The following ADCK5 variants were observed in gnomAD, a reference collection of about 807,000 sequenced individuals.
The protein encoded by ADCK5 is aarF domain containing kinase 5.
A neutral mutation model predicts 64.9 loss-of-function variants in ADCK5; 43 were observed. The observed-to-expected ratio is 0.66, with a 90% CI of 0.52 to 0.85. ADCK5 has a LOEUF of 0.85. Among genes scored for constraint, ADCK5 ranks in the 40% least tolerant of loss-of-function variants. The probability of loss-of-function intolerance (pLI) is 0.00; values close to 1 mark genes in which losing one functional copy is unlikely to be tolerated. For missense variants in ADCK5, 760 were observed against 810.5 expected (o/e 0.94, Z 0.76); for synonymous variants, 434 against 342.8 (o/e 1.27, Z -2.94).
chr8:144,391,402 C>G lies in ADCK5; in HGVS notation c.726C>G (p.Ile242Met), dbSNP rs782175889. 6 of 1,613,246 alleles carry G rather than the reference C, an allele frequency of 3.7e-6. No homozygotes were observed. Among genetic ancestry groups the G allele is most frequent in the Non-Finnish European group, 5.1e-6 (6 of 1,180,006 alleles). ...IDLRDRFDGD[I>M]HTLELLLRLV... ...TGCGGGACCGCTTTGATGGGGACAT[C>G]CACACCCTGGAGCTCCTGCTGCGGC... The change falls in exon 7 of 15, where the codon ATC (isoleucine) becomes ATG (methionine). Residue 242 changes from isoleucine to methionine, a missense_variant. This residue lies in a region of ADCK5 where 427 missense variants were observed against 518.4 expected (regional missense o/e 0.82). Transcript: ENST00000308860.
At chr8:144,374,893 G>A (rs1471092708) in intron 1 of ADCK5, among the ~76,000 whole-genome samples, 3 of 152,356 alleles carry the variant, frequency 2.0e-5, no homozygotes, top group East Asian at 3.9e-4. Flanking sequence ...AGGACTGCGG[G>A]GGGGCGGGGC....
chr8:144,392,543 G>A lies in ADCK5; in HGVS notation c.1366G>A (p.Val456Met). 2 of 1,563,990 alleles carry A rather than the reference G, an allele frequency of 1.3e-6. No homozygotes were observed. Among genetic ancestry groups the A allele is most frequent in the Non-Finnish European group, 1.7e-6 (2 of 1,160,878 alleles). The change falls in exon 13 of 15, where the codon GTG becomes ATG. Residue 456 changes from valine to methionine, a missense_variant. By Grantham distance (21) the Val-to-Met change is conservative (BLOSUM62 1). Transcript: ENST00000308860. The part of the protein sequence containing the change: ...LLSREEAAYM[V>M]DMARERFEAV... ...GAGCCGCGAAGAGGCGGCCTACATG[G>A]TGGACATGGCCCGCGAGCGCTTCGA... is the stretch of plus-strand genomic sequence containing the variant.
chr8:144,385,417 C>T (rs903815313), intron 3 of ADCK5, among the ~76,000 whole-genome samples: 3 of 151,404 alleles, frequency 2.0e-5, no homozygotes, highest in African/African-American at 7.3e-5. Flanking sequence ...CTCTTGACCT[C>T]AGGTGAACTG....
intron 3 of ADCK5, among the ~76,000 whole-genome samples, chr8:144,385,702 G>A (rs908231796): frequency 6.6e-6 from 1 of 151,406 alleles, no homozygotes; most frequent in African/African-American, 2.4e-5. Flanking sequence ...GGTGGCTCAC[G>A]CCTGTAATCC....
chr8:144,392,763 C>T lies in ADCK5; in HGVS notation c.1521-13C>T, dbSNP rs1820367644. ...GTGTGGGGCTGACGCGGCGCTAACG[C>T]GGGTGTGTGCAGGGCTGTCCGGGGC... On this transcript the variant is annotated splice_polypyrimidine_tract_variant and intron_variant, in intron 13 of 14. Coordinates refer to ENST00000308860, the MANE Select transcript of ADCK5 (RefSeq NM_174922.5). The T allele has an allele frequency of 1.9e-6, 3 of 1,586,242 alleles. No homozygotes were observed. Among genetic ancestry groups the T allele is most frequent in the Non-Finnish European group, 2.6e-6 (3 of 1,168,028 alleles).
Position 144,393,132 on chromosome 8 carries a change from G to A in ADCK5, c.*58G>A. The A allele has an allele frequency of 2.1e-6, 3 of 1,454,904 alleles. No homozygotes were observed. The highest frequency in any genetic ancestry group is 5.0e-5 in the East Asian group (2 of 40,330). The allele number at this position is 1,454,904 out of a possible 1,614,324, so 90.1% of individuals were successfully genotyped here. A position where few individuals can be genotyped will look rare whatever the true frequency, so the allele number is the denominator to read the frequency against. ...TCACCTTGGGCTGACGGAGGTGGCGGGGCTAGAGGTGTAGACACCCCGAGC... is the reference window on the plus strand; with the variant it reads ...TCACCTTGGGCTGACGGAGGTGGCGAGGCTAGAGGTGTAGACACCCCGAGC... On this transcript the variant is annotated 3_prime_UTR_variant, in exon 15 of 15. Transcript: ENST00000308860.
Position 144,392,980 on chromosome 8 carries a change from T to C in ADCK5, c.1649T>C (p.Leu550Ser). The C allele has an allele frequency of 6.3e-7, 1 of 1,588,860 alleles. No homozygotes were observed. The highest frequency in any genetic ancestry group is 8.5e-7 in the Non-Finnish European group (1 of 1,170,632). The stretch of plus-strand genomic sequence containing the variant: ...CCTGACCCACGCAGGCTGGAGACCT[T>C]GGCCATGCGGCTGACCGCCCTCCTG... ...KFEVALRLET[L>S]AMRLTALLAR... The change falls in exon 15 of 15, where the codon TTG (leucine) becomes TCG (serine). Residue 550 changes from leucine (L) to serine (S), a missense_variant. Leu to Ser is a moderately radical substitution (Grantham distance 145, BLOSUM62 -2). This residue lies in a region of ADCK5 where 333 missense variants were observed against 292.0 expected (regional missense o/e 1.14). Transcript: ENST00000308860.
chr8:144,392,191 G>A (rs1554861039), intron 11 of ADCK5, 21 bp downstream of exon 11: 6 of 1,546,234 alleles, frequency 3.9e-6, no homozygotes, highest in African/African-American at 1.4e-5. Context: ...GTGGGTGGGC[G>A]TGGGGCAGGG....
rs995193137 is a variant in ADCK5 at position 144,376,635 on chromosome 8, G to A, written c.12+2528G>A. ...GGTGGAGCCTGTGGAAACAGCTTGC[G>A]TTGCTGGTCATGGATGAGGTGGGCA... On this transcript the variant is annotated intron_variant, in intron 1 of 14. Transcript: ENST00000308860. This position sits in a 1 kb window ranked among gnomAD's most constrained non-coding sequence, Gnocchi z 5.1. Among the ~76,000 whole-genome samples, 2 of 152,350 alleles carry A rather than the reference G, an allele frequency of 1.3e-5. No individual in the cohort carries two copies. The highest frequency in any genetic ancestry group is 2.1e-4 in the South Asian group (1 of 4,826).
chr8:144,384,203 G>A lies in ADCK5; in HGVS notation c.266+973G>A, dbSNP rs1434830325. Among the ~76,000 whole-genome samples the A allele has an allele frequency of 2.0e-5, 3 of 151,984 alleles. No homozygotes were observed. The highest frequency in any genetic ancestry group is 6.6e-5 in the Admixed American group (1 of 15,246). The stretch of plus-strand genomic sequence containing the variant: ...GCTGGGATGACAGGCGTGAGTCACC[G>A]TGCCCAGCCCCCAAAGCCCTTTTGA... On this transcript the variant is annotated intron_variant, in intron 3 of 14. Coordinates refer to ENST00000308860, the MANE Select transcript of ADCK5 (RefSeq NM_174922.5). This position sits in a 1 kb window ranked among gnomAD's most constrained non-coding sequence, Gnocchi z 5.7.
rs2116847245 is a variant in ADCK5, at chr8:144,381,296, T to C, written c.117-1785T>C. Among the ~76,000 whole-genome samples the C allele has an allele frequency of 5.2e-3, 647 of 125,000 alleles. 18 individuals are homozygous for C. The highest frequency in any genetic ancestry group is 0.018 in the African/African-American group (526 of 29,390). The allele number at this position is 125,000 out of a possible 152,430, so 82.0% of individuals were successfully genotyped here. A position where few individuals can be genotyped will look rare whatever the true frequency, so the allele number is the denominator to read the frequency against. ...ATCAGATGTGTGCTCAGGCCCCTGC[T>C]GCACTCAGGATTATGGGCCGGGTGT... On this transcript the variant is annotated intron_variant, in intron 2 of 14. Coordinates refer to ENST00000308860, the MANE Select transcript of ADCK5 (RefSeq NM_174922.5).
At chr8:144,380,700 G>C (rs1402924317) in intron 2 of ADCK5, among the ~76,000 whole-genome samples, 129 of 53,602 alleles carry the variant, frequency 2.4e-3, no homozygotes, top group Middle Eastern at 8.5e-3. Context: ...TCAGGCACCT[G>C]CCGCACTAAG....
Position 144,391,673 on chromosome 8 carries a change from G to T in ADCK5, c.892G>T (p.Val298Phe), listed in dbSNP as rs370166194. The T allele has an allele frequency of 2.4e-5, 37 of 1,542,520 alleles. No individual in the cohort carries two copies. In the South Asian group the frequency reaches 4.4e-4, roughly 18 times the overall value. The change falls in exon 8 of 15, where the codon GTC becomes TTC. Residue 298 changes from valine to phenylalanine, a missense_variant. Val to Phe is a conservative substitution (Grantham distance 50). Around this residue, in one of 2 missense-constraint regions of ADCK5, gnomAD observed 427 missense variants for 518.4 expected, o/e 0.82. Coordinates refer to ENST00000308860, the MANE Select transcript of ADCK5 (RefSeq NM_174922.5). ...CARELAHFPY[V>F]VVPRVHWDKS... ...GCGGGAGCTGGCGCACTTCCCCTAC[G>T]TCGTGGTGCCCCGCGTGCACTGGGA...
chr8:144,384,429 C>T lies in ADCK5; in HGVS notation c.266+1199C>T, dbSNP rs1819821062. ...TAGCTGGGCACCTGAGGATTTTCAGCCTAAAAGACAAAACAGTCGTTCCCC... is the reference window on the plus strand; with the variant it reads ...TAGCTGGGCACCTGAGGATTTTCAGTCTAAAAGACAAAACAGTCGTTCCCC... On this transcript the variant is annotated intron_variant, in intron 3 of 14. Coordinates refer to ENST00000308860, the MANE Select transcript of ADCK5 (RefSeq NM_174922.5). The surrounding 1 kb of genome is among the most constrained non-coding windows in gnomAD (Gnocchi z 5.7). Among the ~76,000 whole-genome samples, 1 of 152,192 alleles carries T rather than the reference C, an allele frequency of 6.6e-6. No individual in the cohort carries two copies. Among genetic ancestry groups the T allele is most frequent in the Non-Finnish European group, 1.5e-5 (1 of 68,040 alleles).
At chr8:144,383,737 G>A (rs1586584352) in intron 3 of ADCK5, among the ~76,000 whole-genome samples, 1 of 152,168 alleles carries the variant, frequency 6.6e-6, no homozygotes, top group East Asian at 1.9e-4. Context: ...AGAACTCAGG[G>A]GGAGGGTGAG....
chr8:144,376,346 G>A lies in ADCK5; in HGVS notation c.12+2239G>A, dbSNP rs558059415. 4.9e-4 allele frequency among the ~76,000 whole-genome samples: 74 copies of A among 152,318 alleles called. No homozygotes were observed. The highest frequency in any genetic ancestry group is 1.8e-3 in the African/African-American group (73 of 41,564). ...ACAGATTCCGTAAGTTGACAGTCAC[G>A]CTGGTGTGTGATGAGGACAGTGGCA... is the stretch of plus-strand genomic sequence containing the variant. On this transcript the variant is annotated intron_variant, in intron 1 of 14. Transcript: ENST00000308860. This position sits in a 1 kb window ranked among gnomAD's most constrained non-coding sequence, Gnocchi z 5.1.
chr8:144,390,575 C>T (rs1023449321), intron 3 of ADCK5, 96 bp from the exon 4 acceptor site: 8 of 1,299,260 alleles, frequency 6.2e-6, no homozygotes, highest in Admixed American at 2.0e-5. Flanking sequence ...AAGGGCTGGC[C>T]GGGGTGAGGC....
chr8:144,383,472 T>C (rs1819772223), intron 3 of ADCK5, among the ~76,000 whole-genome samples: 1 of 152,264 alleles, frequency 6.6e-6, no homozygotes, highest in South Asian at 2.1e-4. Flanking sequence ...GTCCTCCACA[T>C]TGGATGCAGC....
rs531908244 is a variant in ADCK5 at position 144,392,464 on chromosome 8, G to A, written c.1287G>A (p.Glu429=). ...LGVQDYLLFA[E]MLMQRPVRLG... ...CCCCAGACTACCTCCTGTTCGCCGA[G>A]ATGCTCATGCAGCGCCCCGTGCGCC... is the stretch of plus-strand genomic sequence containing the variant. The change falls in exon 13 of 15, where the codon GAG becomes GAA. Residue 429 remains glutamate, a synonymous_variant. Coordinates refer to ENST00000308860, the MANE Select transcript of ADCK5 (RefSeq NM_174922.5). 2.5e-5 allele frequency: 32 copies of A among 1,277,826 alleles called. No individual in the cohort carries two copies. The African/African-American group carries it at 4.0e-4, about 16-fold the overall frequency. 79.2% of individuals were successfully genotyped at this position (1,277,826 alleles called of 1,614,324 possible).
Sources: gnomAD v4.1 joint callset for allele counts (sites outside exome capture counted in the v4.1 genomes callset) on GRCh38, gnomAD v4.1.1 for gene constraint, gnomAD v4.1.1 regional missense constraint, Gnocchi (gnomAD v3.1) non-coding constraint, MANE v1.5 for transcripts, NCBI Gene and HGNC (gene_info 2026-07-23, HGNC 2026-07-21) for gene names.